The following ZNF599 variants were observed in gnomAD, a reference collection of about 807,000 sequenced individuals.
The protein encoded by ZNF599 is zinc finger protein 599.
Under a neutral mutation model 11.7 loss-of-function variants are expected in ZNF599, and 10 were observed. The ratio of observed to expected loss-of-function variants is 0.86; its 90% CI spans 0.53 to 1.45. The LOEUF is 1.45. Among genes scored for constraint, ZNF599 ranks in the 40% most tolerant of loss-of-function variants. The pLI, the probability that ZNF599 is intolerant of heterozygous loss-of-function variation, is 0.00. For synonymous variants in ZNF599, 232 were observed against 253.2 expected, an observed-to-expected ratio of 0.92 and a Z score of 0.79; for missense variants, 688 against 713.6, an observed-to-expected ratio of 0.96 and a Z score of 0.41.
rs535943797 is a variant in ZNF599 at position 34,761,190 on chromosome 19, C to T, written c.242-631G>A. ...AGAAGAAACAGACTCTCAGGATTCTCACCTGTGTAAAAGTGAGAAGGGTGA... is the reference window on the plus strand; with the variant it reads ...AGAAGAAACAGACTCTCAGGATTCTTACCTGTGTAAAAGTGAGAAGGGTGA... On this transcript the variant is annotated intron_variant, in intron 3 of 3. Transcript: ENST00000329285. Among the ~76,000 whole-genome samples, 6 of 152,256 alleles carry T rather than the reference C, an allele frequency of 3.9e-5. No individual in the cohort carries two copies. The South Asian group carries it at 1.2e-3, about 32-fold the overall frequency.
At chr19:34,762,636 T>C (rs1027212006) in intron 3 of ZNF599, among the ~76,000 whole-genome samples, 2 of 152,146 alleles carry the variant, frequency 1.3e-5, no homozygotes, top group East Asian at 3.9e-4. Flanking sequence ...ATTCATGCAA[T>C]TGACTCTAGC....
At position 34,769,420 on chromosome 19, in the gene ZNF599, A is replaced by C; in HGVS notation, c.145+9T>G. ...GGGTCCCCTACATGGGAGGGTAATG[A>C]GGTCTTACCCAGTGAGACCAGGAGC... is the stretch of plus-strand genomic sequence containing the variant. On this transcript the variant is annotated intron_variant, in intron 2 of 3. Coordinates refer to ENST00000329285, the MANE Select transcript of ZNF599 (RefSeq NM_001007248.3). 1 of 1,614,020 alleles carries C rather than the reference A, an allele frequency of 6.2e-7. No homozygotes were observed. Among genetic ancestry groups the C allele is most frequent in the African/African-American group, 1.3e-5 (1 of 75,014 alleles).
At chr19:34,801,047 C>A in the ZNF599 span, among the ~76,000 whole-genome samples, 2 of 152,212 alleles carry the variant, frequency 1.3e-5, no homozygotes, top group African/African-American at 4.8e-5. Context: ...ATCAGTCCTT[C>A]CACCTCTGTG....
At chr19:34,787,763 C>A in the ZNF599 span, among the ~76,000 whole-genome samples, 18,671 of 152,196 alleles carry the variant, frequency 0.12, 1,262 homozygotes, top group South Asian at 0.23. Context: ...TTACTTGAAC[C>A]TGCAGTCCTC....
chr19:34,765,706 G>A, intron 3 of ZNF599: 1 of 702,474 alleles, frequency 1.4e-6, no homozygotes, highest in South Asian at 1.5e-5. Flanking sequence ...CAAGTGTGTA[G>A]GCTTTATTCA....
the ZNF599 span, among the ~76,000 whole-genome samples, chr19:34,794,108 C>T: frequency 5.9e-5 from 9 of 152,152 alleles, no homozygotes; most frequent in Non-Finnish European, 1.3e-4. Context: ...CTGAGAAACT[C>T]CCATTTTTAA....
At chr19:34,806,212 C>T in the ZNF599 span, among the ~76,000 whole-genome samples, 1 of 152,206 alleles carries the variant, frequency 6.6e-6, no homozygotes, top group Non-Finnish European at 1.5e-5. Flanking sequence ...TTAGGCCTCT[C>T]TTGAACATCT....
At chr19:34,795,945 C>T in the ZNF599 span, among the ~76,000 whole-genome samples, 5 of 152,170 alleles carry the variant, frequency 3.3e-5, no homozygotes, top group Non-Finnish European at 5.9e-5. Flanking sequence ...TCTCAGCCTC[C>T]CAAGTAGCTG....
chr19:34,772,110 T>C (rs868193624), intron 1 of ZNF599, among the ~76,000 whole-genome samples: 1 of 152,246 alleles, frequency 6.6e-6, no homozygotes, highest in Non-Finnish European at 1.5e-5. Context: ...TGGGGCCTTA[T>C]GTGCTCACAC....
chr19:34,800,586 GTTTTTTTTT>G, the ZNF599 span, among the ~76,000 whole-genome samples: 1 of 112,978 alleles, frequency 8.9e-6, no homozygotes, highest in African/African-American at 3.4e-5. Flanking sequence ...CATTTCCTTT[GTTTTTTTTT>G]TTTTTTTTTT....
At position 34,772,893 on chromosome 19, in the gene ZNF599, G is replaced by C. The variant is rs1037794684; in HGVS notation, c.-52C>G. ...GAGAGTCGGCGAGGAAGCCGGTCCT[G>C]CGGGCTCGGCCGACCCCGGGCTCCG... is the stretch of plus-strand genomic sequence containing the variant. On this transcript the variant is annotated 5_prime_UTR_variant, in exon 1 of 4. Coordinates refer to ENST00000329285, the MANE Select transcript of ZNF599 (RefSeq NM_001007248.3). The C allele has an allele frequency of 7.1e-7, 1 of 1,409,830 alleles. No homozygotes were observed. Among genetic ancestry groups the C allele is most frequent in the South Asian group, 1.5e-5 (1 of 66,080 alleles). 87.3% of individuals were successfully genotyped at this position (1,409,830 alleles called of 1,614,324 possible).
Position 34,759,304 on chromosome 19 carries a change from C to A in ZNF599, c.1497G>T (p.Arg499Ser). ...CATAGGGCTTCTCTCCAGTGTGAAT[C>A]CTCATGTGTCGAGTGAAGGAAGAGC... ...YYSSSFTRHM[R>S]IHTGEKPYVC... Residue 499 changes from arginine (R) to serine (S), a missense_variant, in exon 4 of 4, where the codon AGG (arginine) becomes AGT (serine). Arg to Ser is a moderately radical substitution (Grantham distance 110). Transcript: ENST00000329285. 1 of 1,614,184 alleles carries A rather than the reference C, an allele frequency of 6.2e-7. No individual in the cohort carries two copies. The highest frequency in any genetic ancestry group is 2.2e-5 in the East Asian group (1 of 44,888).
the ZNF599 span, among the ~76,000 whole-genome samples, chr19:34,790,266 A>G: frequency 6.6e-6 from 1 of 152,232 alleles, no homozygotes; most frequent in Admixed American, 6.5e-5. Context: ...CCAGTGTCCT[A>G]TGATGTACCC....
In ZNF599 at chr19:34,759,221, C is replaced by T; in HGVS notation, c.1580G>A (p.Arg527Lys). 6.2e-7 allele frequency: 1 copy of T among 1,613,982 alleles called. No homozygotes were observed. The highest frequency in any genetic ancestry group is 8.5e-7 in the Non-Finnish European group (1 of 1,179,986). The change falls in exon 4 of 4, where the codon AGG (arginine) becomes AAG (lysine). Residue 527 changes from arginine (R) to lysine (K), a missense_variant. By Grantham distance (26) the Arg-to-Lys change is conservative (BLOSUM62 2). Transcript: ENST00000329285. Reference protein sequence around the residue: ...TQPANFVRHNRIHTGEKPFEC... With the variant: ...TQPANFVRHNKIHTGEKPFEC... ...AAAAGGTTTTTCTCCAGTGTGGATC[C>T]TATTATGCCGAACAAAATTTGCAGG... is the stretch of plus-strand genomic sequence containing the variant.
chr19:34,765,417 A>G, intron 3 of ZNF599: 1 of 616,652 alleles, frequency 1.6e-6, no homozygotes, highest in East Asian at 2.7e-5. Flanking sequence ...TGAGCTGCCT[A>G]TGACACGCCT....
chr19:34,795,504 T>G, the ZNF599 span, among the ~76,000 whole-genome samples: 1 of 152,196 alleles, frequency 6.6e-6, no homozygotes, highest in Non-Finnish European at 1.5e-5. Context: ...GGTCTCAAAC[T>G]CCTAGGCTCA....
the ZNF599 span, among the ~76,000 whole-genome samples, chr19:34,788,835 T>C: frequency 2.0e-5 from 3 of 152,228 alleles, no homozygotes; most frequent in African/African-American, 7.2e-5. Flanking sequence ...TATTAACAGA[T>C]AAAATTGTAT....
Position 34,772,851 on chromosome 19 carries a change from G to A in ZNF599, c.-10C>T, listed in dbSNP as rs929398688. The A allele has an allele frequency of 5.3e-6, 8 of 1,497,098 alleles. No homozygotes were observed. Among genetic ancestry groups the A allele is most frequent in the African/African-American group, 1.4e-5 (1 of 69,186 alleles). The allele number at this position is 1,497,098 out of a possible 1,614,324, so 92.7% of individuals were successfully genotyped here. A position where few individuals can be genotyped will look rare whatever the true frequency, so the allele number is the denominator to read the frequency against. On this transcript the variant is annotated 5_prime_UTR_variant, in exon 1 of 4. Transcript: ENST00000329285. ...ACGCCGGCGCCGCCATGGGCCCAGG[G>A]GGCTGGGTGAGGCCGTGAGAGTCGG...
chr19:34,789,658 T>G, the ZNF599 span, among the ~76,000 whole-genome samples: 1 of 152,238 alleles, frequency 6.6e-6, no homozygotes, highest in African/African-American at 2.4e-5. Flanking sequence ...CTTCTTTAGA[T>G]GCTAAATGTC....
Sources: allele counts gnomAD v4.1 joint callset (sites outside exome capture counted in the v4.1 genomes callset), GRCh38; gene constraint gnomAD v4.1.1; transcripts MANE v1.5; gene names NCBI Gene and HGNC (gene_info 2026-07-23, HGNC 2026-07-21).